TBCK: variants seen among roughly 807,000 people sequenced by gnomAD.
The protein encoded by TBCK is TBC domain-containing protein kinase-like protein.
Under a neutral mutation model 113.4 loss-of-function variants are expected in TBCK, and 99 were observed. The ratio of observed to expected loss-of-function variants is 0.87; its 90% CI spans 0.74 to 1.03. The LOEUF is 1.03. Ranked by LOEUF, TBCK falls within the 50% of genes least tolerant of loss-of-function variation. The pLI is 0.00. For synonymous variants in TBCK, 369 were observed against 370.8 expected, an observed-to-expected ratio of 1.00 and a Z score of 0.05; for missense variants, 1,045 against 1,061.3, an observed-to-expected ratio of 0.98 and a Z score of 0.21.
rs768541050 is a variant in TBCK, at chr4:106,044,038, C to A, written c.*2532G>T. On this transcript the variant is annotated 3_prime_UTR_variant, in exon 26 of 26. Coordinates refer to ENST00000394708, the MANE Select transcript of TBCK (RefSeq NM_001163435.3). ...TATAATTTTCATGTTTAAAAAACTT[C>A]AATTTCTTGGAATAAGCCTAAATGT... 1 of 152,094 alleles carries A rather than the reference C, an allele frequency of 6.6e-6. No homozygotes were observed. The highest frequency in any genetic ancestry group is 1.5e-5 in the Non-Finnish European group (1 of 68,016). 9.4% of individuals were successfully genotyped at this position (152,094 alleles called of 1,614,324 possible).
chr4:106,246,033 A>G (rs893238118), intron 10 of TBCK, among the ~76,000 whole-genome samples: 1 of 152,146 alleles, frequency 6.6e-6, no homozygotes, highest in African/African-American at 2.4e-5. Context: ...AGGGGAGAAA[A>G]TAGCACATGG....
In TBCK at chr4:106,135,783, G is replaced by T. The variant is rs114846130; in HGVS notation, c.2236-19405C>A. Among the ~76,000 whole-genome samples, 70 of 141,370 alleles carry T rather than the reference G, an allele frequency of 5.0e-4. 14 individuals are homozygous for T. The highest frequency in any genetic ancestry group is 8.0e-5 in the Non-Finnish European group (5 of 62,334). The allele number at this position is 141,370 out of a possible 152,430, so 92.7% of individuals were successfully genotyped here. On this transcript the variant is annotated intron_variant, in intron 23 of 25. Transcript: ENST00000394708. ...TTCTTATAAAAGTTAAAGTCAATGG[G>T]TGTAAAAATGACAATGGAGAGACTA...
In TBCK at chr4:106,309,016, G is replaced by A. The variant is rs1293979196; in HGVS notation, c.-29-27C>T. On this transcript the variant is annotated intron_variant, in intron 1 of 25. Coordinates refer to ENST00000394708, the MANE Select transcript of TBCK (RefSeq NM_001163435.3). ...TGGAAAAGGAGAGAATTTTAGGACA[G>A]ACCAAACATTAAGCCAGACAGACCA... is the stretch of plus-strand genomic sequence containing the variant. 7 of 1,480,808 alleles carry A rather than the reference G, an allele frequency of 4.7e-6. No individual in the cohort carries two copies. In the African/African-American group the frequency reaches 9.9e-5, roughly 21 times the overall value. The allele number at this position is 1,480,808 out of a possible 1,614,324, so 91.7% of individuals were successfully genotyped here.
chr4:106,143,850 G>T (rs1747437551), intron 23 of TBCK, among the ~76,000 whole-genome samples: 1 of 151,436 alleles, frequency 6.6e-6, no homozygotes, highest in African/African-American at 2.4e-5. Flanking sequence ...GGAGGCAGAG[G>T]TTGCAGTGAG....
intron 23 of TBCK, among the ~76,000 whole-genome samples, chr4:106,127,927 T>C (rs911014730): frequency 6.6e-6 from 1 of 152,088 alleles, no homozygotes; most frequent in African/African-American, 2.4e-5. Flanking sequence ...TAAGCTAATA[T>C]TTAAATCTGA....
At chr4:106,121,559 A>G (rs1184796622) in intron 23 of TBCK, among the ~76,000 whole-genome samples, 1 of 152,046 alleles carries the variant, frequency 6.6e-6, no homozygotes, top group South Asian at 2.1e-4. Flanking sequence ...ACCCTAAATC[A>G]ACAGAATATA....
chr4:106,255,932 T>A (rs759678238), intron 5 of TBCK, among the ~76,000 whole-genome samples: 1 of 152,128 alleles, frequency 6.6e-6, no homozygotes, highest in Non-Finnish European at 1.5e-5. Context: ...AACACTCAGC[T>A]GAGAGGAGAC....
intron 22 of TBCK, among the ~76,000 whole-genome samples, chr4:106,189,900 T>C (rs1382111201): frequency 2.0e-5 from 3 of 152,080 alleles, no homozygotes; most frequent in African/African-American, 7.2e-5. Context: ...TTTCAGGCCT[T>C]TGAGCATTTT....
intron 1 of TBCK, among the ~76,000 whole-genome samples, chr4:106,311,166 C>T (rs193218246): frequency 2.3e-4 from 34 of 150,474 alleles, no homozygotes; most frequent in African/African-American, 8.3e-4. Flanking sequence ...ATATGTTTTA[C>T]ACTATCTTGC....
At chr4:106,098,380 A>G (rs1158927439) in intron 24 of TBCK, among the ~76,000 whole-genome samples, 2 of 152,066 alleles carry the variant, frequency 1.3e-5, no homozygotes, top group Admixed American at 6.5e-5. Flanking sequence ...TATTAAGGAA[A>G]TAGTAGCCAA....
At chr4:106,078,731 T>A (rs1463150685) in intron 25 of TBCK, among the ~76,000 whole-genome samples, 3 of 139,238 alleles carry the variant, frequency 2.2e-5, no homozygotes, top group African/African-American at 5.2e-5. Flanking sequence ...TCAGTCCTAT[T>A]CTAACTATTC....
chr4:106,182,695 A>G (rs1262688212), intron 22 of TBCK: 1 of 152,098 alleles, frequency 6.6e-6, no homozygotes, highest in Non-Finnish European at 1.5e-5. Context: ...ACAATAACAC[A>G]ATGAAATTAT....
rs1334235321 is a variant in TBCK, at chr4:106,247,288, C to T, written c.783-1G>A. Reference sequence around the variant, plus strand: ...CTTCATTAATTGATCTGGGGTTGGCCTTGAGAACATTTAAAATACAGAGCA... The same window carrying T: ...CTTCATTAATTGATCTGGGGTTGGCTTTGAGAACATTTAAAATACAGAGCA... On this transcript the variant is annotated splice_acceptor_variant, in intron 9 of 25. Transcript: ENST00000394708. LOFTEE classifies it high-confidence loss of function. 1.2e-6 allele frequency: 2 copies of T among 1,610,506 alleles called. No individual in the cohort carries two copies. The highest frequency in any genetic ancestry group is 1.7e-6 in the Non-Finnish European group (2 of 1,177,684).
intron 23 of TBCK, among the ~76,000 whole-genome samples, chr4:106,160,794 C>A (rs1749680660): frequency 6.6e-6 from 1 of 151,946 alleles, no homozygotes; most frequent in Admixed American, 6.6e-5. Context: ...AAACCAGAAT[C>A]TTGAAGAGAT....
chr4:106,216,015 T>C (rs1249173593), intron 19 of TBCK, among the ~76,000 whole-genome samples: 1 of 148,946 alleles, frequency 6.7e-6, no homozygotes, highest in African/African-American at 2.5e-5. Flanking sequence ...TAACAAACTA[T>C]CTCTCAGACC....
intron 13 of TBCK, 40 bp downstream of exon 13, chr4:106,236,719 G>T: frequency 8.3e-7 from 1 of 1,209,384 alleles, no homozygotes; most frequent in Non-Finnish European, 1.1e-6. Context: ...AATATAAATA[G>T]AAAGAAAAAT....
chr4:106,262,297 T>A, intron 3 of TBCK, 85 bp from the exon 4 acceptor site: 1 of 665,120 alleles, frequency 1.5e-6, no homozygotes, highest in Admixed American at 3.0e-5. Context: ...CTAGTGAAAA[T>A]ATTCAAAAAG....
intron 3 of TBCK, among the ~76,000 whole-genome samples, chr4:106,278,124 G>A (rs996126222): frequency 6.6e-6 from 1 of 151,974 alleles, no homozygotes; most frequent in Non-Finnish European, 1.5e-5. Context: ...AAGTAAATAA[G>A]GTAATATGAA....
At chr4:106,103,461 G>A (rs1404243074) in intron 24 of TBCK, among the ~76,000 whole-genome samples, 1 of 152,140 alleles carries the variant, frequency 6.6e-6, no homozygotes, top group Non-Finnish European at 1.5e-5. Context: ...ATGCTTAACT[G>A]TCCCTATGCA....
Sources: allele counts gnomAD v4.1 joint callset (sites outside exome capture counted in the v4.1 genomes callset), GRCh38; gene constraint gnomAD v4.1.1; transcripts MANE v1.5; gene names NCBI Gene and HGNC (gene_info 2026-07-23, HGNC 2026-07-21).